HECW1: variants seen among roughly 807,000 people sequenced by gnomAD.
The protein encoded by HECW1 is HECT, C2 and WW domain containing E3 ubiquitin protein ligase 1.
A neutral mutation model predicts 182.3 loss-of-function variants in HECW1; 61 were observed. The ratio of observed to expected loss-of-function variants is 0.33; its 90% CI spans 0.27 to 0.41. The LOEUF is 0.41. Among genes scored for constraint, HECW1 ranks in the 10% least tolerant of loss-of-function variants. The probability of loss-of-function intolerance (pLI) is 1.00; values close to 1 mark genes in which losing one functional copy is unlikely to be tolerated. For missense variants in HECW1, 1,739 were observed against 2,108.9 expected (o/e 0.82, Z 3.44); for synonymous variants, 859 against 832.6 (o/e 1.03, Z -0.55).
chr7:43,278,045 C>T (rs765184950), intron 3 of HECW1, among the ~76,000 whole-genome samples: 26 of 152,198 alleles, frequency 1.7e-4, no homozygotes, highest in East Asian at 5.8e-4. Context: ...GTGGTCGCAT[C>T]TACTCTTGTG....
chr7:43,553,696 C>T (rs1043123074), intron 28 of HECW1, among the ~76,000 whole-genome samples: 1 of 148,014 alleles, frequency 6.8e-6, no homozygotes, highest in African/African-American at 2.5e-5. Flanking sequence ...AAAGTCTCTG[C>T]CTGGCTGTTA....
intron 3 of HECW1, among the ~76,000 whole-genome samples, chr7:43,272,976 A>G (rs919085792): frequency 2.6e-5 from 4 of 152,228 alleles, no homozygotes; most frequent in African/African-American, 9.6e-5. Flanking sequence ...ACACCATGGA[A>G]TACTAGGCAG....
Position 43,360,971 on chromosome 7 carries a change from G to C in HECW1, c.546G>C (p.Ser182=), listed in dbSNP as rs369654096. 6.2e-7 allele frequency: 1 copy of C among 1,608,906 alleles called. No homozygotes were observed. Among genetic ancestry groups the C allele is most frequent in the African/African-American group, 1.3e-5 (1 of 74,700 alleles). Residue 182 remains serine (S), a synonymous_variant, in exon 6 of 30, where the codon TCG becomes TCC. Coordinates refer to ENST00000395891, the MANE Select transcript of HECW1 (RefSeq NM_015052.5). ...CCCCCAGTGTCACGGTCAAAAACTC[G>C]GCAGCTCCTGTAAGTCTCATTTCTC... ...ATTPSVTVKN[S]AAPIFKSIGA... is the part of the protein sequence containing the mutation.
At chr7:43,145,366 C>T (rs1303337970) in intron 2 of HECW1, among the ~76,000 whole-genome samples, 2 of 152,156 alleles carry the variant, frequency 1.3e-5, no homozygotes, top group Non-Finnish European at 2.9e-5. Context: ...TGTGATCTGA[C>T]CTCACTGCAA....
chr7:43,523,724 G>A (rs1010102972), intron 24 of HECW1, among the ~76,000 whole-genome samples: 1 of 151,014 alleles, frequency 6.6e-6, no homozygotes, highest in Admixed American at 6.6e-5. Context: ...ACTTACTAAT[G>A]AGAGAGGCGC....
At chr7:43,176,763 T>G (rs1792292265) in intron 2 of HECW1, among the ~76,000 whole-genome samples, 1 of 152,214 alleles carries the variant, frequency 6.6e-6, no homozygotes, top group African/African-American at 2.4e-5. Flanking sequence ...CGGACTAAGT[T>G]TCCAACACAT....
chr7:43,437,886 A>G lies in HECW1; in HGVS notation c.802-117A>G, dbSNP rs541101746. 611 of 1,004,304 alleles carry G rather than the reference A, an allele frequency of 6.1e-4. 7 individuals are homozygous for G. In the South Asian group the frequency reaches 9.1e-3, roughly 15 times the overall value. The allele number at this position is 1,004,304 out of a possible 1,614,324, so 62.2% of individuals were successfully genotyped here. On this transcript the variant is annotated intron_variant, in intron 8 of 29. Transcript: ENST00000395891. The stretch of plus-strand genomic sequence containing the variant: ...TCACAACATTTCTGAGACCCTTTAT[A>G]TATAGGTATATTATAGCTAGGATGT...
At chr7:43,546,526 G>C (rs1465004095) in intron 26 of HECW1, among the ~76,000 whole-genome samples, 1 of 151,818 alleles carries the variant, frequency 6.6e-6, no homozygotes, top group African/African-American at 2.4e-5. Context: ...GGCTGAATTA[G>C]AGATGTTGTT....
intron 2 of HECW1, among the ~76,000 whole-genome samples, chr7:43,182,020 G>A (rs981387976): frequency 2.0e-5 from 3 of 151,994 alleles, no homozygotes; most frequent in Admixed American, 1.3e-4. Flanking sequence ...TCCTGACCTC[G>A]TGATCTACCT....
chr7:43,345,325 G>A (rs1015077337), intron 5 of HECW1, among the ~76,000 whole-genome samples: 2 of 152,230 alleles, frequency 1.3e-5, no homozygotes, highest in Non-Finnish European at 2.9e-5. Flanking sequence ...GCACTCAGGT[G>A]TGCAGCCTCT....
intron 24 of HECW1, among the ~76,000 whole-genome samples, chr7:43,521,508 G>A: frequency 6.6e-6 from 1 of 152,190 alleles, no homozygotes; most frequent in East Asian, 1.9e-4. Context: ...AATACGTCAT[G>A]GCTGCGGGTT....
intron 6 of HECW1, among the ~76,000 whole-genome samples, chr7:43,386,145 C>G (rs1473711797): frequency 6.6e-6 from 1 of 152,198 alleles, no homozygotes; most frequent in Non-Finnish European, 1.5e-5. Context: ...GTGTCAAACC[C>G]TTCTCACCTT....
chr7:43,386,822 G>C (rs946382549), intron 6 of HECW1, among the ~76,000 whole-genome samples: 2 of 151,996 alleles, frequency 1.3e-5, no homozygotes, highest in Non-Finnish European at 2.9e-5. Flanking sequence ...GAAGCTCACC[G>C]CACTGTGCTT....
intron 29 of HECW1, among the ~76,000 whole-genome samples, chr7:43,560,364 C>T (rs138258624): frequency 8.2e-4 from 125 of 152,246 alleles, no homozygotes; most frequent in African/African-American, 2.8e-3. Flanking sequence ...AATCTGTATT[C>T]GTATGTTTCT....
At chr7:43,259,231 A>C (rs921911140) in intron 3 of HECW1, among the ~76,000 whole-genome samples, 6 of 152,276 alleles carry the variant, frequency 3.9e-5, no homozygotes, top group Middle Eastern at 3.4e-3. Context: ...TACTAAAAAT[A>C]CAAACATTAG....
intron 2 of HECW1, among the ~76,000 whole-genome samples, chr7:43,120,878 G>C (rs73097343): frequency 0.066 from 10,028 of 152,004 alleles, 430 homozygotes; most frequent in Middle Eastern, 0.22. Flanking sequence ...TCCTGGCCTC[G>C]AGTGATCTGC....
chr7:43,196,010 C>T (rs1046607700), intron 2 of HECW1, among the ~76,000 whole-genome samples: 2 of 152,182 alleles, frequency 1.3e-5, no homozygotes, highest in African/African-American at 4.8e-5. Context: ...TGGGTCCAGT[C>T]GGTCTTAGCC....
At position 43,509,080 on chromosome 7, in the gene HECW1, G is replaced by C; in HGVS notation, c.3978G>C (p.Gln1326His). 6.2e-7 allele frequency: 1 copy of C among 1,614,166 alleles called. No individual in the cohort carries two copies. Among genetic ancestry groups the C allele is most frequent in the Non-Finnish European group, 8.5e-7 (1 of 1,179,994 alleles). ...CGGCAAATGATACTTACACGGTGCA[G>C]ATCAGCCCCATGTCCGCATTTGTAG... Reference protein sequence around the residue: ...EYSANDTYTVQISPMSAFVEN... With the variant: ...EYSANDTYTVHISPMSAFVEN... The change falls in exon 24 of 30, where the codon CAG becomes CAC. Residue 1326 changes from glutamine (Q) to histidine (H), a missense_variant. Transcript: ENST00000395891.
rs1180391349 is a variant in HECW1 at position 43,460,830 on chromosome 7, C to T, written c.2652-2830C>T. Among the ~76,000 whole-genome samples, 7 of 152,292 alleles carry T rather than the reference C, an allele frequency of 4.6e-5. No individual in the cohort carries two copies. The South Asian group carries it at 1.5e-3, about 32-fold the overall frequency. On this transcript the variant is annotated intron_variant, in intron 13 of 29. Transcript: ENST00000395891. The stretch of plus-strand genomic sequence containing the variant: ...CCTGCTTCCCCAAACTGCCTCTGTG[C>T]TTCGGCAGAGGTCAGACGTAGGGTC...
Sources: allele counts gnomAD v4.1 joint callset (sites outside exome capture counted in the v4.1 genomes callset), GRCh38; gene constraint gnomAD v4.1.1; transcripts MANE v1.5; gene names NCBI Gene and HGNC (gene_info 2026-07-23, HGNC 2026-07-21).